The following KCNH7 variants were observed in gnomAD, a reference collection of about 807,000 sequenced individuals.
The protein encoded by KCNH7 is potassium voltage-gated channel subfamily H member 7.
Under a neutral mutation model 120.8 loss-of-function variants are expected in KCNH7, and 49 were observed. That is an observed-to-expected ratio of 0.41 (90% CI 0.32 to 0.51). The LOEUF (loss-of-function observed/expected upper bound fraction) is 0.51, where lower values mean the gene tolerates loss of function less well. Ranked by LOEUF, KCNH7 falls within the 20% of genes least tolerant of loss-of-function variation. KCNH7 has a pLI of 0.38. For synonymous variants in KCNH7, 547 were observed against 516.1 expected (o/e 1.06, Z -0.81); for missense variants, 1,097 against 1,446.6 (o/e 0.76, Z 3.92).
intron 2 of KCNH7, among the ~76,000 whole-genome samples, chr2:162,752,975 A>G (rs990108904): frequency 2.9e-4 from 35 of 122,500 alleles, no homozygotes; most frequent in African/African-American, 1.5e-3. Flanking sequence ...AAAGAAAAGA[A>G]AAGAAAAGAA....
intron 3 of KCNH7, among the ~76,000 whole-genome samples, chr2:162,525,615 C>A (rs1425744825): frequency 6.6e-6 from 1 of 151,942 alleles, no homozygotes; most frequent in South Asian, 2.1e-4. Context: ...CCCATACTTT[C>A]TTTTTGATAG....
intron 2 of KCNH7, among the ~76,000 whole-genome samples, chr2:162,626,128 A>C (rs1683545453): frequency 6.6e-6 from 1 of 152,154 alleles, no homozygotes; most frequent in Non-Finnish European, 1.5e-5. Flanking sequence ...TTCAATAAAT[A>C]TGTACTATTT....
At chr2:162,471,933 A>G (rs1398395767) in intron 6 of KCNH7, among the ~76,000 whole-genome samples, 1 of 152,214 alleles carries the variant, frequency 6.6e-6, no homozygotes, top group East Asian at 1.9e-4. Flanking sequence ...AAATAATACC[A>G]CACATCTACA....
At chr2:162,701,898 T>C (rs945392893) in intron 2 of KCNH7, among the ~76,000 whole-genome samples, 2 of 151,920 alleles carry the variant, frequency 1.3e-5, no homozygotes, top group African/African-American at 4.8e-5. Flanking sequence ...TCCCAGCTAC[T>C]TGGGAGGTTG....
chr2:162,578,244 A>G (rs896256670), intron 2 of KCNH7, among the ~76,000 whole-genome samples: 8 of 151,272 alleles, frequency 5.3e-5, no homozygotes, highest in Admixed American at 5.3e-4. Context: ...ACATTTATGA[A>G]AAATAATTTT....
At chr2:162,572,920 A>G (rs1202494983) in intron 2 of KCNH7, among the ~76,000 whole-genome samples, 1 of 152,174 alleles carries the variant, frequency 6.6e-6, no homozygotes, top group East Asian at 1.9e-4. Flanking sequence ...GGGCGGAGGG[A>G]TAGCATTGGG....
chr2:162,414,598 T>C (rs888329014), intron 9 of KCNH7, among the ~76,000 whole-genome samples: 14 of 151,892 alleles, frequency 9.2e-5, no homozygotes, highest in Non-Finnish European at 1.2e-4. Flanking sequence ...TAGATTAAAT[T>C]ATGCAACTAT....
At chr2:162,629,554 C>A (rs536452267) in intron 2 of KCNH7, among the ~76,000 whole-genome samples, 18 of 152,184 alleles carry the variant, frequency 1.2e-4, no homozygotes, top group African/African-American at 4.1e-4. Flanking sequence ...CTCACTCTGC[C>A]CAGGTCCAGC....
At chr2:162,451,878 T>C (rs1163242956) in intron 6 of KCNH7, among the ~76,000 whole-genome samples, 1 of 151,920 alleles carries the variant, frequency 6.6e-6, no homozygotes, top group Non-Finnish European at 1.5e-5. Context: ...TTGGGAAAAG[T>C]AGAAGCAGGC....
At chr2:162,662,323 C>T (rs1462829238) in intron 2 of KCNH7, among the ~76,000 whole-genome samples, 1 of 152,020 alleles carries the variant, frequency 6.6e-6, no homozygotes, top group East Asian at 1.9e-4. Context: ...TCTGATTTTC[C>T]ATGTAGTATT....
chr2:162,531,212 C>T (rs1691912981), intron 3 of KCNH7, among the ~76,000 whole-genome samples: 3 of 151,934 alleles, frequency 2.0e-5, no homozygotes, highest in South Asian at 4.1e-4. Context: ...TATAAAGTTG[C>T]ATAAATTGTG....
chr2:162,478,263 A>G (rs1446497690), intron 6 of KCNH7, among the ~76,000 whole-genome samples: 1 of 152,102 alleles, frequency 6.6e-6, no homozygotes, highest in East Asian at 1.9e-4. Context: ...TTCCATTGCC[A>G]ATTGCAAGTA....
chr2:162,687,569 G>A (rs927899323), intron 2 of KCNH7, among the ~76,000 whole-genome samples: 3 of 151,914 alleles, frequency 2.0e-5, no homozygotes, highest in Admixed American at 6.6e-5. Context: ...TACATTCAGC[G>A]ATGTCACCTT....
At chr2:162,507,788 A>G (rs1226714379) in intron 5 of KCNH7, among the ~76,000 whole-genome samples, 1 of 151,616 alleles carries the variant, frequency 6.6e-6, no homozygotes, top group Non-Finnish European at 1.5e-5. Context: ...TATTAATCAT[A>G]ATTAAATTTT....
intron 2 of KCNH7, among the ~76,000 whole-genome samples, chr2:162,667,018 C>CTTTTTTTTTTTT (rs34213467): frequency 1.6e-5 from 2 of 124,220 alleles, no homozygotes. Flanking sequence ...TTTTCTTTTT[C>CTTTTTTTTTTTT]TTTTTTTTTT....
At chr2:162,612,484 A>G (rs1683002025) in intron 2 of KCNH7, among the ~76,000 whole-genome samples, 1 of 151,728 alleles carries the variant, frequency 6.6e-6, no homozygotes, top group Admixed American at 6.6e-5. Flanking sequence ...TCAAATTTGA[A>G]CTCTCTAGGT....
intron 2 of KCNH7, among the ~76,000 whole-genome samples, chr2:162,733,597 C>A (rs770035489): frequency 3.3e-5 from 5 of 152,182 alleles, no homozygotes; most frequent in Non-Finnish European, 7.4e-5. Context: ...GTAGCATGAG[C>A]CAAAAGTGAT....
chr2:162,741,889 T>C (rs1205454611), intron 2 of KCNH7, among the ~76,000 whole-genome samples: 1 of 152,208 alleles, frequency 6.6e-6, no homozygotes, highest in Non-Finnish European at 1.5e-5. Context: ...ATAATTTATT[T>C]TCTTTAAAGC....
At chr2:162,816,732 A>C (rs576960269) in intron 2 of KCNH7, among the ~76,000 whole-genome samples, 13 of 152,328 alleles carry the variant, frequency 8.5e-5, no homozygotes, top group Middle Eastern at 3.4e-3. Flanking sequence ...ATATGAAAGG[A>C]AAGTGGGAAA....
Sources: gnomAD v4.1 joint callset for allele counts (sites outside exome capture counted in the v4.1 genomes callset) on GRCh38, gnomAD v4.1.1 for gene constraint, MANE v1.5 for transcripts, NCBI Gene and HGNC (gene_info 2026-07-23, HGNC 2026-07-21) for gene names.